UBE2K: variants seen among roughly 807,000 people sequenced by gnomAD.
The protein encoded by UBE2K is ubiquitin-conjugating enzyme E2 K.
In UBE2K, 6 loss-of-function variants were observed where a neutral mutation model predicts 30.0. The observed-to-expected ratio is 0.20, with a 90% CI of 0.11 to 0.39. The LOEUF (loss-of-function observed/expected upper bound fraction) is 0.39, where lower values mean the gene tolerates loss of function less well. Among genes scored for constraint, UBE2K ranks in the 10% least tolerant of loss-of-function variants. UBE2K has a pLI of 1.00. For synonymous variants in UBE2K, 86 were observed against 83.7 expected (o/e 1.03, Z -0.15); for missense variants, 61 against 241.6 (o/e 0.25, Z 4.96).
At chr4:39,752,875 G>A (rs902980750) in intron 3 of UBE2K, among the ~76,000 whole-genome samples, 1 of 152,098 alleles carries the variant, frequency 6.6e-6, no homozygotes, top group South Asian at 2.1e-4. Flanking sequence ...CATGGGCCAA[G>A]CACTGTGGCC....
intron 1 of UBE2K, among the ~76,000 whole-genome samples, chr4:39,707,986 TC>T (rs1205839740): frequency 1.3e-5 from 2 of 151,894 alleles, no homozygotes; most frequent in Non-Finnish European, 2.9e-5. Context: ...AACCTCTGCC[TC>T]CCGGGTTCAA....
At chr4:39,708,103 T>C (rs1412711043) in intron 1 of UBE2K, among the ~76,000 whole-genome samples, 3 of 151,772 alleles carry the variant, frequency 2.0e-5, no homozygotes, top group Non-Finnish European at 4.4e-5. Flanking sequence ...TCCATGGTGG[T>C]CAGTCAGGCT....
At chr4:39,735,688 T>C (rs1267700270) in intron 1 of UBE2K, among the ~76,000 whole-genome samples, 1 of 152,094 alleles carries the variant, frequency 6.6e-6, no homozygotes, top group African/African-American at 2.4e-5. Context: ...GCCATCAGAG[T>C]AGTTTTACTG....
At chr4:39,710,289 C>T (rs990582970) in intron 1 of UBE2K, 5 of 145,108 alleles carry the variant, frequency 3.4e-5, no homozygotes, top group Admixed American at 2.8e-4. Flanking sequence ...GATTTTAAGA[C>T]ACAAGGTCTT....
At chr4:39,709,768 A>G (rs974982429) in intron 1 of UBE2K, among the ~76,000 whole-genome samples, 1 of 152,178 alleles carries the variant, frequency 6.6e-6, no homozygotes, top group South Asian at 2.1e-4. Context: ...AAATCGTTCA[A>G]AGTTTGTGTT....
rs1258223376 is a variant in UBE2K, at chr4:39,738,232, CAT to C, written c.157+723_157+724del. Among the ~76,000 whole-genome samples the C allele has an allele frequency of 2.6e-5, 4 of 152,110 alleles. No individual in the cohort carries two copies. In the South Asian group the frequency reaches 6.2e-4, roughly 24 times the overall value. ...ATTCAAATATTTGTTTATTAGAAAACATATAACAATATATGGTAACCCTAATT... is the reference window on the plus strand; with the variant it reads ...ATTCAAATATTTGTTTATTAGAAAACATAACAATATATGGTAACCCTAATT... On this transcript the variant is annotated intron_variant, in intron 2 of 6. Transcript: ENST00000261427.
chr4:39,702,581 TTAAATC>T (rs1361277281), intron 1 of UBE2K, among the ~76,000 whole-genome samples: 2 of 152,146 alleles, frequency 1.3e-5, no homozygotes, highest in Non-Finnish European at 2.9e-5. Context: ...TAGGGCGTGT[TTAAATC>T]TATGGCATAA....
At chr4:39,731,496 A>T (rs556675830) in intron 1 of UBE2K, among the ~76,000 whole-genome samples, 1 of 151,978 alleles carries the variant, frequency 6.6e-6, no homozygotes, top group Non-Finnish European at 1.5e-5. Flanking sequence ...CCTGGCCAAC[A>T]TGATGAAACC....
intron 3 of UBE2K, among the ~76,000 whole-genome samples, chr4:39,747,122 A>G (rs569058254): frequency 6.6e-6 from 1 of 152,320 alleles, no homozygotes; most frequent in South Asian, 2.1e-4. Context: ...ACTTAGCATT[A>G]TGGGCTGCCT....
chr4:39,765,304 G>A (rs940192051), intron 4 of UBE2K, among the ~76,000 whole-genome samples: 16 of 150,342 alleles, frequency 1.1e-4, no homozygotes, highest in Admixed American at 1.3e-4. Flanking sequence ...TGGGTGGATC[G>A]CTTGAGCCCA....
At chr4:39,763,079 A>T (rs963415539) in intron 4 of UBE2K, among the ~76,000 whole-genome samples, 14 of 141,676 alleles carry the variant, frequency 9.9e-5, no homozygotes, top group Non-Finnish European at 1.8e-4. Context: ...AGTAGCTGGG[A>T]TTACAGGCAC....
At chr4:39,730,486 T>G (rs1422771776) in intron 1 of UBE2K, among the ~76,000 whole-genome samples, 2 of 152,012 alleles carry the variant, frequency 1.3e-5, no homozygotes, top group Admixed American at 1.3e-4. Context: ...AAATGCTAGC[T>G]GCAGCCTGGT....
At chr4:39,747,705 C>T (rs530010356) in intron 3 of UBE2K, among the ~76,000 whole-genome samples, 19 of 152,218 alleles carry the variant, frequency 1.2e-4, no homozygotes, top group East Asian at 9.6e-4. Flanking sequence ...CAAGCTCTGC[C>T]TCCTGGGTTC....
chr4:39,770,791 C>G (rs777500046), intron 4 of UBE2K: 9 of 1,570,306 alleles, frequency 5.7e-6, no homozygotes, highest in Non-Finnish European at 7.7e-6. Context: ...TGTGCGATGT[C>G]CAGGGCCGAC....
rs1713503274 is a variant in UBE2K at position 39,779,787 on chromosome 4, C to G, written c.*1353C>G. On this transcript the variant is annotated 3_prime_UTR_variant, in exon 7 of 7. Coordinates refer to ENST00000261427, the MANE Select transcript of UBE2K (RefSeq NM_005339.5). ...AATTTTTAGGACCAATACAAAATAA[C>G]AAAAATGTAATGGAATCAGACTGAA... 1 of 151,886 alleles carries G rather than the reference C, an allele frequency of 6.6e-6. No homozygotes were observed. Among genetic ancestry groups the G allele is most frequent in the African/African-American group, 2.4e-5 (1 of 41,362 alleles). The allele number at this position is 151,886 out of a possible 1,614,324, so 9.4% of individuals were successfully genotyped here.
chr4:39,741,666 AT>A (rs1269154164), intron 2 of UBE2K, among the ~76,000 whole-genome samples: 1 of 152,188 alleles, frequency 6.6e-6, no homozygotes, highest in African/African-American at 2.4e-5. Flanking sequence ...AAAATGCCAT[AT>A]TGTGGATGTT....
chr4:39,720,839 G>A (rs912465585), intron 1 of UBE2K, among the ~76,000 whole-genome samples: 1 of 151,788 alleles, frequency 6.6e-6, no homozygotes, highest in Non-Finnish European at 1.5e-5. Context: ...GAACTCCAGG[G>A]CTCAAGTGAT....
chr4:39,771,674 C>T (rs1224285265), intron 4 of UBE2K, among the ~76,000 whole-genome samples: 3 of 152,056 alleles, frequency 2.0e-5, no homozygotes, highest in South Asian at 4.1e-4. Context: ...GCCTCGCGCG[C>T]GCGGCGACGG....
chr4:39,748,635 A>G (rs1204897969), intron 3 of UBE2K, among the ~76,000 whole-genome samples: 1 of 150,026 alleles, frequency 6.7e-6, no homozygotes, highest in Non-Finnish European at 1.5e-5. Context: ...AAAAAAAAAA[A>G]GAAAAAGAAA....
Sources: gnomAD v4.1 joint callset for allele counts (sites outside exome capture counted in the v4.1 genomes callset) on GRCh38, gnomAD v4.1.1 for gene constraint, MANE v1.5 for transcripts, NCBI Gene and HGNC (gene_info 2026-07-23, HGNC 2026-07-21) for gene names.